The following NRG1 variants were observed in gnomAD, a reference collection of about 807,000 sequenced individuals.
The protein encoded by NRG1 is pro-neuregulin-1, membrane-bound isoform.
In NRG1, 18 loss-of-function variants were observed where a neutral mutation model predicts 63.8. That is an observed-to-expected ratio of 0.28 (90% confidence interval 0.19 to 0.42). The LOEUF (loss-of-function observed/expected upper bound fraction) is 0.42, where lower values mean the gene tolerates loss of function less well. Ranked by LOEUF, NRG1 falls within the 10% of genes least tolerant of loss-of-function variation. NRG1 has a pLI of 1.00. For missense variants in NRG1, 762 were observed against 814.7 expected (o/e 0.94, Z 0.79); for synonymous variants, 302 against 301.3 (o/e 1.00, Z -0.02).
intron 1 of NRG1, among the ~76,000 whole-genome samples, chr8:31,721,553 G>T (rs964094249): frequency 3.3e-5 from 5 of 152,066 alleles, no homozygotes; most frequent in Non-Finnish European, 7.4e-5. Flanking sequence ...TCTGTTCCTT[G>T]ACCCTCTCCC....
chr8:32,416,194 A>G (rs1200313524), intron 1 of NRG1, among the ~76,000 whole-genome samples: 1 of 152,212 alleles, frequency 6.6e-6, no homozygotes, highest in African/African-American at 2.4e-5. Flanking sequence ...CTTTAGTGTC[A>G]TCATAAGAAT....
intron 1 of NRG1, among the ~76,000 whole-genome samples, chr8:32,129,499 A>G (rs1221229228): frequency 6.6e-6 from 1 of 151,832 alleles, no homozygotes; most frequent in Non-Finnish European, 1.5e-5. Flanking sequence ...TTATAAGGAA[A>G]CCAATCACAT....
chr8:32,541,651 G>C (rs913318503), intron 1 of NRG1, among the ~76,000 whole-genome samples: 4 of 152,048 alleles, frequency 2.6e-5, no homozygotes, highest in Admixed American at 6.6e-5. Context: ...AACAAAGAAA[G>C]TGCCTTTTGA....
intron 5 of NRG1, among the ~76,000 whole-genome samples, chr8:32,640,436 T>C (rs1775300303): frequency 1.3e-5 from 2 of 152,104 alleles, no homozygotes; most frequent in African/African-American, 4.8e-5. Flanking sequence ...CCAGGCATGC[T>C]CTAGGTACTG....
chr8:32,274,880 T>G (rs1183320654), intron 1 of NRG1, among the ~76,000 whole-genome samples: 1 of 152,152 alleles, frequency 6.6e-6, no homozygotes, highest in Non-Finnish European at 1.5e-5. Context: ...ATCCCATGCA[T>G]TTTGGAAAGT....
At chr8:31,941,572 G>C (rs1801755528) in intron 1 of NRG1, among the ~76,000 whole-genome samples, 1 of 152,046 alleles carries the variant, frequency 6.6e-6, no homozygotes. Context: ...GAAATTAAGA[G>C]CATCCAAAAT....
At position 32,475,071 on chromosome 8, in the gene NRG1, T is replaced by G. The variant is rs73675025; in HGVS notation, c.38-120757T>G. Among the ~76,000 whole-genome samples, 528 of 152,274 alleles carry G rather than the reference T, an allele frequency of 3.5e-3. 6 individuals carry two copies. Among genetic ancestry groups the G allele is most frequent in the African/African-American group, 0.012 (499 of 41,556 alleles). On this transcript the variant is annotated intron_variant, in intron 1 of 10. Transcript: ENST00000519301. ...TCTTTCCTGCCTACTTCCTGGCTTT[T>G]ACTACCTTGTGAAAAAGCCCCAAGT...
chr8:31,969,014 C>T (rs1170511450), intron 1 of NRG1, among the ~76,000 whole-genome samples: 12 of 152,176 alleles, frequency 7.9e-5, no homozygotes, highest in African/African-American at 2.2e-4. Flanking sequence ...CTCTCCGCTT[C>T]GTTTTCAACC....
At chr8:32,458,519 A>G (rs909304003) in intron 1 of NRG1, among the ~76,000 whole-genome samples, 5 of 152,140 alleles carry the variant, frequency 3.3e-5, no homozygotes, top group African/African-American at 1.2e-4. Flanking sequence ...GAGAGAAGAG[A>G]ACTGAAGTCT....
chr8:32,580,693 C>T (rs1391678979), intron 1 of NRG1, among the ~76,000 whole-genome samples: 2 of 152,112 alleles, frequency 1.3e-5, no homozygotes, highest in Admixed American at 6.5e-5. Context: ...TTTTAATCAG[C>T]ATATTGCACT....
In NRG1 at chr8:31,640,500, C is replaced by G; in HGVS notation, c.37+1069C>G. On this transcript the variant is annotated intron_variant, in intron 1 of 10. Coordinates refer to the NRG1 transcript ENST00000519301. The surrounding 1 kb of genome is among the most constrained non-coding windows in gnomAD (Gnocchi z 6.3). ...TGCACCAGGTGTGGGCGGTGAAAGCCGGGGGCTTGAAGAAGGACTCGCTGC... is the reference window on the plus strand; with the variant it reads ...TGCACCAGGTGTGGGCGGTGAAAGCGGGGGGCTTGAAGAAGGACTCGCTGC... 1 of 1,610,278 alleles carries G rather than the reference C, an allele frequency of 6.2e-7. No homozygotes were observed. The highest frequency in any genetic ancestry group is 1.3e-5 in the African/African-American group (1 of 74,826).
intron 1 of NRG1, among the ~76,000 whole-genome samples, chr8:32,523,641 G>A (rs1234887609): frequency 6.6e-6 from 1 of 152,106 alleles, no homozygotes; most frequent in East Asian, 1.9e-4. Context: ...CTTGAGGTCA[G>A]GAGTTCAAGA....
intron 1 of NRG1, among the ~76,000 whole-genome samples, chr8:32,198,516 CTTAGGGTGATATGTAATG>C (rs1459367525): frequency 6.6e-6 from 1 of 152,148 alleles, no homozygotes; most frequent in Non-Finnish European, 1.5e-5. Context: ...CTAAGCTATC[CTTAGGGTGATATGTAATG>C]CAGCAATTGC....
intron 1 of NRG1, among the ~76,000 whole-genome samples, chr8:32,109,053 C>T (rs546655162): frequency 6.6e-6 from 1 of 152,298 alleles, no homozygotes; most frequent in Admixed American, 6.5e-5. Flanking sequence ...CAGCTTACTG[C>T]TGCAACATCT....
intron 7 of NRG1, among the ~76,000 whole-genome samples, chr8:32,748,448 G>C (rs1423782720): frequency 2.0e-5 from 3 of 150,850 alleles, no homozygotes; most frequent in African/African-American, 7.3e-5. Context: ...TATCAGTTTT[G>C]GTTTTGAGAA....
intron 1 of NRG1, among the ~76,000 whole-genome samples, chr8:32,534,235 G>A (rs1831741582): frequency 6.6e-6 from 1 of 152,076 alleles, no homozygotes; most frequent in Non-Finnish European, 1.5e-5. Flanking sequence ...CATGCCTTAA[G>A]ATAAATCCAT....
chr8:31,845,499 GT>G (rs1707799403), intron 1 of NRG1, among the ~76,000 whole-genome samples: 1 of 152,118 alleles, frequency 6.6e-6, no homozygotes, highest in South Asian at 2.1e-4. Context: ...TGTGGAGGAG[GT>G]TTTTGCAAGT....
chr8:32,618,088 A>G (rs953104976), intron 5 of NRG1, among the ~76,000 whole-genome samples: 3 of 152,152 alleles, frequency 2.0e-5, no homozygotes, highest in Admixed American at 1.3e-4. Context: ...ATATCCTCCA[A>G]AATGATAATT....
At chr8:32,649,712 A>C (rs1854576847) in intron 5 of NRG1, among the ~76,000 whole-genome samples, 1 of 152,166 alleles carries the variant, frequency 6.6e-6, no homozygotes, top group East Asian at 1.9e-4. Flanking sequence ...AAAGATTTAA[A>C]GAAAAAAAAA....
Sources: gnomAD v4.1 joint callset for allele counts (sites outside exome capture counted in the v4.1 genomes callset) on GRCh38, gnomAD v4.1.1 for gene constraint, Gnocchi (gnomAD v3.1) non-coding constraint, MANE v1.5 for transcripts, NCBI Gene and HGNC (gene_info 2026-07-23, HGNC 2026-07-21) for gene names.